The following DEGS1 variants were observed in gnomAD, a reference collection of about 807,000 sequenced individuals.
DEGS1 encodes the protein sphingolipid delta(4)-desaturase DES1.
In DEGS1, 17 loss-of-function variants were observed where a neutral mutation model predicts 24.1. The ratio of observed to expected loss-of-function variants is 0.70; its 90% CI spans 0.48 to 1.06. DEGS1 has a LOEUF of 1.06. Ranked by LOEUF, DEGS1 falls within the 50% of genes least tolerant of loss-of-function variation. The probability of loss-of-function intolerance (pLI) is 0.00; values close to 1 mark genes in which losing one functional copy is unlikely to be tolerated. For synonymous variants in DEGS1, 134 were observed against 140.0 expected, an observed-to-expected ratio of 0.96 and a Z score of 0.30; for missense variants, 366 against 408.9, an observed-to-expected ratio of 0.90 and a Z score of 0.91.
At chr1:224,185,428 C>T (rs1431812889) in intron 1 of DEGS1, among the ~76,000 whole-genome samples, 1 of 152,170 alleles carries the variant, frequency 6.6e-6, no homozygotes, top group Non-Finnish European at 1.5e-5. Flanking sequence ...AGCCTGGGCT[C>T]CAGTGGTCCG....
chr1:224,189,946 G>T lies in DEGS1; in HGVS notation c.452G>T (p.Trp151Leu), dbSNP rs1371754827. 2 of 1,614,190 alleles carry T rather than the reference G, an allele frequency of 1.2e-6. No individual in the cohort carries two copies. Among genetic ancestry groups the T allele is most frequent in the Non-Finnish European group, 1.7e-6 (2 of 1,180,034 alleles). Residue 151 changes from tryptophan (W) to leucine (L), a missense_variant, in exon 2 of 3, where the codon TGG becomes TTG. Transcript: ENST00000323699. ...DVDIPTDFEG[W>L]FFCTAFRKFI... ...GATATTCCTACCGATTTTGAGGGCT[G>T]GTTCTTCTGTACCGCTTTCAGAAAG...
chr1:224,183,346 C>G lies in DEGS1; in HGVS notation c.10C>G (p.Arg4Gly), dbSNP rs1203625224. Residue 4 changes from arginine to glycine, a missense_variant, in exon 1 of 3, where the codon CGC becomes GGC. Physicochemically the swap from Arg to Gly is moderately radical, Grantham distance 125 (BLOSUM62 -2). Transcript: ENST00000323699. MGSRVSREDFEWVY... is the reference protein window; with the variant it reads MGSGVSREDFEWVY... ...AGCCACCGCTGTCGCCATGGGGAGC[C>G]GCGTCTCGCGGGAAGACTTCGAGTG... 3.4e-6 allele frequency: 5 copies of G among 1,479,218 alleles called. No individual in the cohort carries two copies. The South Asian group carries it at 6.5e-5, about 19-fold the overall frequency. The allele number at this position is 1,479,218 out of a possible 1,614,324, so 91.6% of individuals were successfully genotyped here.
chr1:224,186,578 C>T (rs1052240983), intron 1 of DEGS1, among the ~76,000 whole-genome samples: 8 of 151,808 alleles, frequency 5.3e-5, no homozygotes, highest in East Asian at 1.9e-4. Context: ...CCGGGCGTGG[C>T]GGCAGCCACC....
chr1:224,188,705 T>C (rs760996726), intron 1 of DEGS1, among the ~76,000 whole-genome samples: 2 of 152,130 alleles, frequency 1.3e-5, no homozygotes, highest in Non-Finnish European at 2.9e-5. Flanking sequence ...GTTGTAAGAG[T>C]TCTTCATATA....
chr1:224,189,446 A>C (rs952095645), intron 1 of DEGS1, 131 bp from the exon 2 acceptor site: 2 of 607,170 alleles, frequency 3.3e-6, no homozygotes, highest in Non-Finnish European at 5.4e-6. Context: ...TATCCACTAA[A>C]GTCTCTAGTA....
chr1:224,187,324 A>G (rs11588981), intron 1 of DEGS1, among the ~76,000 whole-genome samples: 24,887 of 152,020 alleles, frequency 0.16, 2,350 homozygotes, highest in East Asian at 0.37. Context: ...AAAAAAGAAT[A>G]AATCACAAGA....
At chr1:224,189,494 G>A in intron 1 of DEGS1, 83 bp from the exon 2 acceptor site, 1 of 1,066,030 alleles carries the variant, frequency 9.4e-7, no homozygotes, top group Non-Finnish European at 1.3e-6. Context: ...TAATGTGTTA[G>A]TTTAATTGGT....
chr1:224,188,560 G>A (rs1166669134), intron 1 of DEGS1, among the ~76,000 whole-genome samples: 1 of 152,098 alleles, frequency 6.6e-6, no homozygotes, highest in African/African-American at 2.4e-5. Flanking sequence ...GTGTGAGGTG[G>A]TATCTATGGT....
chr1:224,185,677 T>C (rs1298810089), intron 1 of DEGS1, among the ~76,000 whole-genome samples: 2 of 152,120 alleles, frequency 1.3e-5, no homozygotes, highest in East Asian at 3.9e-4. Context: ...AGTTTTTCTA[T>C]TTTTATTTTT....
chr1:224,187,486 G>A (rs1330512940), intron 1 of DEGS1, among the ~76,000 whole-genome samples: 1 of 152,062 alleles, frequency 6.6e-6, no homozygotes, highest in East Asian at 1.9e-4. Context: ...AGCATCCTAA[G>A]TAGCTGGGAC....
Position 224,189,839 on chromosome 1 carries a change from T to A in DEGS1, c.345T>A (p.Pro115=), listed in dbSNP as rs775636741. The change falls in exon 2 of 3, where the codon CCT becomes CCA. Residue 115 remains proline, a synonymous_variant. Coordinates refer to ENST00000323699, the MANE Select transcript of DEGS1 (RefSeq NM_003676.4). ...GGTTTGGAATGTTTGCTAATCTTCC[T>A]ATTGGGATTCCATATTCAATTTCCT... is the stretch of plus-strand genomic sequence containing the variant. ...NRWFGMFANL[P]IGIPYSISFK... is the part of the protein sequence containing the mutation. 2 of 1,614,236 alleles carry A rather than the reference T, an allele frequency of 1.2e-6. No homozygotes were observed. The highest frequency in any genetic ancestry group is 2.2e-5 in the South Asian group (2 of 91,090).
intron 1 of DEGS1, among the ~76,000 whole-genome samples, chr1:224,188,519 C>T (rs1337769715): frequency 6.6e-6 from 1 of 152,070 alleles, no homozygotes; most frequent in African/African-American, 2.4e-5. Flanking sequence ...TTGTTTTTAC[C>T]TACCTTTTTT....
At position 224,189,691 on chromosome 1, in the gene DEGS1, G is replaced by C; in HGVS notation, c.197G>C (p.Trp66Ser). ...GAFYIVKDLDWKWVIFGAYAF... is the reference protein window; with the variant it reads ...GAFYIVKDLDSKWVIFGAYAF... The stretch of plus-strand genomic sequence containing the variant: ...TTTTACATAGTAAAAGACTTGGACT[G>C]GAAATGGGTCATATTTGGGGCCTAT... Residue 66 changes from tryptophan (W) to serine (S), a missense_variant, in exon 2 of 3, where the codon TGG becomes TCG. Physicochemically the swap from Trp to Ser is radical, Grantham distance 177. Transcript: ENST00000323699. 8.1e-6 allele frequency: 13 copies of C among 1,614,162 alleles called. No individual in the cohort carries two copies. Among genetic ancestry groups the C allele is most frequent in the Non-Finnish European group, 1.1e-5 (13 of 1,180,024 alleles).
In DEGS1 at chr1:224,193,369, C is replaced by T. The variant is rs962702136; in HGVS notation, c.*891C>T. 7.2e-5 allele frequency: 11 copies of T among 152,126 alleles called. No individual in the cohort carries two copies. The highest frequency in any genetic ancestry group is 1.2e-4 in the African/African-American group (5 of 41,424). The allele number at this position is 152,126 out of a possible 1,614,324, so 9.4% of individuals were successfully genotyped here. A position where few individuals can be genotyped will look rare whatever the true frequency, so the allele number is the denominator to read the frequency against. ...AAAATTTTAACTTCTATATGGGACC[C>T]GAATTAGACACTGCTGAATCCTGTA... is the stretch of plus-strand genomic sequence containing the variant. On this transcript the variant is annotated 3_prime_UTR_variant, in exon 3 of 3. Coordinates refer to ENST00000323699, the MANE Select transcript of DEGS1 (RefSeq NM_003676.4).
chr1:224,187,244 G>T (rs148516982), intron 1 of DEGS1, among the ~76,000 whole-genome samples: 17,875 of 151,882 alleles, frequency 0.12, 1,374 homozygotes, highest in East Asian at 0.36. Flanking sequence ...GGAGGCAGAG[G>T]GTGCAGTGAG....
At chr1:224,186,622 A>T (rs2102653641) in intron 1 of DEGS1, among the ~76,000 whole-genome samples, 1 of 149,312 alleles carries the variant, frequency 6.7e-6, no homozygotes, top group East Asian at 2.1e-4. Context: ...CCGAGGCAGG[A>T]GAATGGCGTG....
chr1:224,192,259 A>G, intron 2 of DEGS1, 73 bp from the exon 3 acceptor site: 2 of 1,350,468 alleles, frequency 1.5e-6, no homozygotes, highest in Non-Finnish European at 2.0e-6. Context: ...GTTTGTGTCA[A>G]CCATTCATCA....
rs750636359 is a variant in DEGS1 at position 224,190,129 on chromosome 1, T to C, written c.635T>C (p.Met212Thr). The change falls in exon 2 of 3, where the codon ATG becomes ACG. Residue 212 changes from methionine to threonine, a missense_variant. Coordinates refer to ENST00000323699, the MANE Select transcript of DEGS1 (RefSeq NM_003676.4). ...TTGGGAATTAAATCCTTAGTCTACA[T>C]GTTGGCAGCATCTTTACTTGGCCTG... is the stretch of plus-strand genomic sequence containing the variant. ...YFLGIKSLVY[M>T]LAASLLGLGL... The C allele has an allele frequency of 9.9e-6, 16 of 1,610,396 alleles. No individual in the cohort carries two copies. In the Admixed American group the frequency reaches 2.2e-4, roughly 22 times the overall value.
rs1185287038 is a variant in DEGS1, at chr1:224,190,116, T to G, written c.622T>G (p.Ser208Ala). Reference sequence around the variant, plus strand: ...AATTTATTACTTTTTGGGAATTAAATCCTTAGTCTACATGTTGGCAGCATC... The same window carrying G: ...AATTTATTACTTTTTGGGAATTAAAGCCTTAGTCTACATGTTGGCAGCATC... ...ILIYYFLGIK[S>A]LVYMLAASLL... is the part of the protein sequence containing the mutation. Residue 208 changes from serine (S) to alanine (A), a missense_variant, in exon 2 of 3, where the codon TCC becomes GCC. Coordinates refer to ENST00000323699, the MANE Select transcript of DEGS1 (RefSeq NM_003676.4). 1 of 1,613,376 alleles carries G rather than the reference T, an allele frequency of 6.2e-7. No homozygotes were observed. The highest frequency in any genetic ancestry group is 8.5e-7 in the Non-Finnish European group (1 of 1,179,712).
Sources: allele counts gnomAD v4.1 joint callset (sites outside exome capture counted in the v4.1 genomes callset), GRCh38; gene constraint gnomAD v4.1.1; transcripts MANE v1.5; gene names NCBI Gene and HGNC (gene_info 2026-07-23, HGNC 2026-07-21).